Variants in ZC3H13 observed in about 807,000 individuals in gnomAD.
ZC3H13 encodes zinc finger CCCH-type containing 13.
ZC3H13 carries 64 observed loss-of-function variants against 204.1 expected under a neutral mutation model. That is an observed-to-expected ratio of 0.31 (90% CI 0.26 to 0.39). The LOEUF is 0.39. Among genes scored for constraint, ZC3H13 ranks in the 10% least tolerant of loss-of-function variants. The pLI is 1.00. For missense variants in ZC3H13, 1,833 were observed against 2,082.7 expected (o/e 0.88, Z 2.33); for synonymous variants, 667 against 693.7 (o/e 0.96, Z 0.60).
intron 5 of ZC3H13, among the ~76,000 whole-genome samples, chr13:46,020,038 A>G (rs2042132970): frequency 6.6e-6 from 1 of 152,200 alleles, no homozygotes; most frequent in Admixed American, 6.5e-5. Flanking sequence ...CTTCTGAAAG[A>G]TAAAAGTCAA....
intron 2 of ZC3H13, 85 bp from the exon 3 acceptor site, chr13:46,045,149 A>T: frequency 8.0e-7 from 1 of 1,257,734 alleles, no homozygotes; most frequent in Non-Finnish European, 1.1e-6. Flanking sequence ...AACAAATGCT[A>T]CCAAAATTCC....
chr13:45,968,316 A>G (rs551366448), intron 14 of ZC3H13, among the ~76,000 whole-genome samples: 2 of 152,310 alleles, frequency 1.3e-5, no homozygotes. Context: ...ACCATAAAAT[A>G]TCTTCCAAGA....
At chr13:46,024,295 CCTT>C (rs2042401207) in intron 4 of ZC3H13, among the ~76,000 whole-genome samples, 1 of 152,172 alleles carries the variant, frequency 6.6e-6, no homozygotes, top group African/African-American at 2.4e-5. Flanking sequence ...CATTTCCGAC[CCTT>C]CTTCTAAGGT....
chr13:46,027,253 C>T (rs1336249762), intron 4 of ZC3H13, among the ~76,000 whole-genome samples: 1 of 152,088 alleles, frequency 6.6e-6, no homozygotes, highest in African/African-American at 2.4e-5. Flanking sequence ...TACAGGCACA[C>T]ACCACTACAC....
At chr13:46,047,028 T>C (rs961956862) in intron 1 of ZC3H13, among the ~76,000 whole-genome samples, 4 of 152,198 alleles carry the variant, frequency 2.6e-5, no homozygotes, top group Admixed American at 2.6e-4. Flanking sequence ...TTAGTCTCTA[T>C]AAAGATCACA....
intron 7 of ZC3H13, among the ~76,000 whole-genome samples, chr13:46,003,889 G>A (rs978581572): frequency 4.6e-5 from 7 of 151,916 alleles, no homozygotes; most frequent in East Asian, 1.9e-4. Flanking sequence ...ATAAAAATCC[G>A]AAAAGAAAAT....
At chr13:46,019,842 C>T (rs561382454) in intron 5 of ZC3H13, among the ~76,000 whole-genome samples, 2 of 152,122 alleles carry the variant, frequency 1.3e-5, no homozygotes, top group South Asian at 4.1e-4. Context: ...GCCTTAGCCT[C>T]CCAAAGTGCT....
chr13:46,005,385 C>T (rs1397911416), intron 7 of ZC3H13, among the ~76,000 whole-genome samples: 1 of 152,120 alleles, frequency 6.6e-6, no homozygotes, highest in Non-Finnish European at 1.5e-5. Context: ...TCCATTTTTC[C>T]TGCTTTTCCA....
In ZC3H13 at chr13:45,956,900, T is replaced by G. The variant is rs1047857265; in HGVS notation, c.*227A>C. ...CAGAATAAACTACTAAATCTAGATG[T>G]TTTCACATTATTTTGCATGAGTGTC... On this transcript the variant is annotated 3_prime_UTR_variant, in exon 19 of 19. Transcript: ENST00000679008. 2.4e-5 allele frequency: 8 copies of G among 332,718 alleles called. No individual in the cohort carries two copies. Among genetic ancestry groups the G allele is most frequent in the Non-Finnish European group, 2.1e-5 (4 of 188,798 alleles). The allele number at this position is 332,718 out of a possible 1,614,324, so 20.6% of individuals were successfully genotyped here. A position where few individuals can be genotyped will look rare whatever the true frequency, so the allele number is the denominator to read the frequency against.
chr13:46,051,291 T>C lies in ZC3H13; in HGVS notation c.-10+1113A>G, dbSNP rs116415932. On this transcript the variant is annotated intron_variant, in intron 1 of 18. Transcript: ENST00000679008. The stretch of plus-strand genomic sequence containing the variant: ...GTAATCAGGAAGCCAGTAAGAGGCA[T>C]ACATTTGATAAAACTGAATCCTACC... Among the ~76,000 whole-genome samples, 677 of 152,292 alleles carry C rather than the reference T, an allele frequency of 4.4e-3. 6 individuals carry two copies. The highest frequency in any genetic ancestry group is 0.015 in the African/African-American group (644 of 41,556).
At chr13:45,978,235 T>C (rs1953235628) in intron 11 of ZC3H13, among the ~76,000 whole-genome samples, 1 of 151,850 alleles carries the variant, frequency 6.6e-6, no homozygotes, top group Admixed American at 6.6e-5. Flanking sequence ...GGGTGGGGAG[T>C]TCTTCCCTCT....
At chr13:46,030,216 G>A (rs74485218) in intron 4 of ZC3H13, among the ~76,000 whole-genome samples, 5 of 152,170 alleles carry the variant, frequency 3.3e-5, no homozygotes, top group Admixed American at 6.5e-5. Flanking sequence ...TAGAAACAGC[G>A]GCGAATTTCC....
chr13:45,958,206 TC>T (rs1366908907), intron 18 of ZC3H13, among the ~76,000 whole-genome samples: 3 of 152,114 alleles, frequency 2.0e-5, no homozygotes, highest in Non-Finnish European at 4.4e-5. Flanking sequence ...AAAAATTGAA[TC>T]CCCCCTACCC....
rs1951870130 is a variant in ZC3H13 at position 45,963,848 on chromosome 13, G to A, written c.4669C>T (p.Pro1557Ser). Residue 1557 changes from proline (P) to serine (S), a missense_variant, in exon 17 of 19, where the codon CCC (proline) becomes TCC (serine). Transcript: ENST00000679008. ...TAAAGTAAAATGAAACTACCTTTGG[G>A]TTTTTCTAAAAGTCTCTGACATGTT... ...KETCQRLLEK[P>S]KDADNLFEHE... is the part of the protein sequence containing the mutation. 5 of 1,613,752 alleles carry A rather than the reference G, an allele frequency of 3.1e-6. No individual in the cohort carries two copies. Among genetic ancestry groups the A allele is most frequent in the East Asian group, 2.2e-5 (1 of 44,882 alleles).
intron 7 of ZC3H13, among the ~76,000 whole-genome samples, chr13:46,003,970 C>CA (rs764205159): frequency 1.3e-5 from 2 of 152,066 alleles, no homozygotes; most frequent in Non-Finnish European, 2.9e-5. Context: ...GCACAGGTAA[C>CA]AACAAAGCAA....
chr13:45,969,253 T>C lies in ZC3H13; in HGVS notation c.3291A>G (p.Leu1097=), dbSNP rs770037834. 2 of 1,613,852 alleles carry C rather than the reference T, an allele frequency of 1.2e-6. No individual in the cohort carries two copies. The highest frequency in any genetic ancestry group is 1.3e-5 in the African/African-American group (1 of 74,896). The change falls in exon 14 of 19, where the codon CTA becomes CTG. Residue 1097 remains leucine (L), a synonymous_variant. Coordinates refer to ENST00000679008, the MANE Select transcript of ZC3H13 (RefSeq NM_001330564.2). The part of the protein sequence containing the change: ...ATTPGSTPSP[L]SSLLPPPPPV... ...GCGGTGGAGGAGGAAGAAGAGAAGA[T>C]AGAGGAGAAGGGGTACTACCAGGAG...
Position 45,985,538 on chromosome 13 carries a change from A to T in ZC3H13, c.1479T>A (p.Arg493=), listed in dbSNP as rs760003617. The part of the protein sequence containing the change: ...RDYSRDTKES[R]DPRDSRSTRD... ...GAGTGGACCGAGAATCTCTGGGATC[A>T]CGGCTCTCTTTGGTATCTCTGCTAT... The change falls in exon 10 of 19, where the codon CGT becomes CGA. Residue 493 remains arginine, a synonymous_variant. Transcript: ENST00000679008. The T allele has an allele frequency of 3.9e-5, 63 of 1,614,018 alleles. No individual in the cohort carries two copies. Among genetic ancestry groups the T allele is most frequent in the Non-Finnish European group, 5.0e-5 (59 of 1,180,042 alleles).
In ZC3H13 at chr13:45,967,795, C is replaced by T; in HGVS notation, c.4030G>A (p.Glu1344Lys). ...NRDRDRLRER[E>K]RERERDKRRD... ...CTTTTGTCTCGTTCTCTCTCTCGTT[C>T]TCGTTCTCGCAATCTATCTCGATCC... Residue 1344 changes from glutamate (E) to lysine (K), a missense_variant, in exon 15 of 19, where the codon GAA becomes AAA. This residue lies in a region of ZC3H13 where 1,574 missense variants were observed against 1,757.2 expected (regional missense o/e 0.90). Transcript: ENST00000679008. 6.2e-7 allele frequency: 1 copy of T among 1,612,414 alleles called. No individual in the cohort carries two copies. Among genetic ancestry groups the T allele is most frequent in the Non-Finnish European group, 8.5e-7 (1 of 1,179,106 alleles).
intron 16 of ZC3H13, among the ~76,000 whole-genome samples, chr13:45,964,261 C>T (rs895773696): frequency 2.6e-5 from 4 of 152,140 alleles, no homozygotes; most frequent in African/African-American, 7.2e-5. Flanking sequence ...AACAGGTAAC[C>T]CAACCCACCC....
Sources: allele counts gnomAD v4.1 joint callset (sites outside exome capture counted in the v4.1 genomes callset), GRCh38; gene constraint gnomAD v4.1.1; regional missense constraint gnomAD v4.1.1; transcripts MANE v1.5; gene names NCBI Gene and HGNC (gene_info 2026-07-23, HGNC 2026-07-21).